The following SH3KBP1 variants were observed in gnomAD, a reference collection of about 807,000 sequenced individuals.
The protein encoded by SH3KBP1 is SH3 domain-containing kinase-binding protein 1.
A neutral mutation model predicts 50.1 loss-of-function variants in SH3KBP1; 8 were observed. The ratio of observed to expected loss-of-function variants is 0.16; its 90% CI spans 0.09 to 0.29. SH3KBP1 has a LOEUF of 0.29. Among genes scored for constraint, SH3KBP1 ranks in the 10% least tolerant of loss-of-function variants. The probability of loss-of-function intolerance (pLI) is 1.00; values close to 1 mark genes in which losing one functional copy is unlikely to be tolerated. For missense variants in SH3KBP1, 377 were observed against 535.2 expected, an observed-to-expected ratio of 0.70 and a Z score of 2.92; for synonymous variants, 227 against 218.6, an observed-to-expected ratio of 1.04 and a Z score of -0.34.
intron 6 of SH3KBP1, among the ~76,000 whole-genome samples, chrX:19,661,402 T>TA (rs988018144): frequency 9.0e-6 from 1 of 111,430 alleles, no homozygotes; most frequent in African/African-American, 3.3e-5. Context: ...GTGGAAAAGA[T>TA]ACAAAGTTAT....
At chrX:19,802,723 C>T (rs1477968724) in intron 2 of SH3KBP1, among the ~76,000 whole-genome samples, 13 of 111,498 alleles carry the variant, frequency 1.2e-4, no homozygotes, top group Non-Finnish European at 2.4e-4. Context: ...TCTTCTGCCC[C>T]AGGCTCTTAG....
intron 4 of SH3KBP1, among the ~76,000 whole-genome samples, chrX:19,695,944 C>A (rs1176665252): frequency 9.0e-6 from 1 of 111,429 alleles, no homozygotes; most frequent in East Asian, 2.8e-4. Context: ...TACCTGGGAT[C>A]CACAAATGCA....
chrX:19,778,821 T>C (rs1267154036), intron 2 of SH3KBP1, among the ~76,000 whole-genome samples: 5 of 110,178 alleles, frequency 4.5e-5, no homozygotes, highest in African/African-American at 1.7e-4. Context: ...GGTTGGAAAT[T>C]GAGTAAGGAT....
intron 3 of SH3KBP1, among the ~76,000 whole-genome samples, chrX:19,739,343 T>C (rs2064702165): frequency 8.9e-6 from 1 of 112,319 alleles, no homozygotes; most frequent in South Asian, 3.6e-4. Flanking sequence ...AAAAAGTTAG[T>C]TGGCTTTTTA....
intron 9 of SH3KBP1, among the ~76,000 whole-genome samples, chrX:19,603,763 C>T (rs1050017919): frequency 8.9e-6 from 1 of 112,096 alleles, no homozygotes; most frequent in African/African-American, 3.3e-5. Flanking sequence ...TCACAGCACA[C>T]TGCAGCCTCA....
intron 2 of SH3KBP1, among the ~76,000 whole-genome samples, chrX:19,789,358 G>A (rs1465593801): frequency 9.0e-6 from 1 of 110,932 alleles, no homozygotes; most frequent in African/African-American, 3.3e-5. Context: ...AAAATCAGGG[G>A]ACCTGACTTG....
intron 12 of SH3KBP1, among the ~76,000 whole-genome samples, chrX:19,580,773 C>A (rs1038390277): frequency 1.8e-5 from 2 of 110,776 alleles, no homozygotes; most frequent in Non-Finnish European, 3.8e-5. Flanking sequence ...CTCCTCCTAC[C>A]CTTTTGGATG....
At chrX:19,626,002 C>A (rs2068007005) in intron 8 of SH3KBP1, among the ~76,000 whole-genome samples, 1 of 111,456 alleles carries the variant, frequency 9.0e-6, no homozygotes, top group African/African-American at 3.3e-5. Context: ...CATGGTCCCA[C>A]CTAATTCCCG....
Position 19,833,236 on chromosome X carries a change from C to G in SH3KBP1, c.162+2889G>C, listed in dbSNP as rs1463351460. On this transcript the variant is annotated intron_variant, in intron 2 of 17. Transcript: ENST00000397821. ...TCCCTCTTTCCCACAGTCCTTCTTG[C>G]CTTCCCACATTCTTCCTTCCTTCCC... is the stretch of plus-strand genomic sequence containing the variant. Among the ~76,000 whole-genome samples, 3 of 105,929 alleles carry G rather than the reference C, an allele frequency of 2.8e-5. No homozygotes were observed. In the East Asian group the frequency reaches 9.2e-4, roughly 32 times the overall value. 92.0% of individuals were successfully genotyped at this position (105,929 alleles called of 115,157 possible). A position where few individuals can be genotyped will look rare whatever the true frequency, so the allele number is the denominator to read the frequency against.
At chrX:19,649,093 A>C (rs1356697277) in intron 6 of SH3KBP1, among the ~76,000 whole-genome samples, 5 of 111,496 alleles carry the variant, frequency 4.5e-5, no homozygotes, top group Non-Finnish European at 7.5e-5. Flanking sequence ...AGAAGGCAAC[A>C]AAGAGGGATG....
intron 6 of SH3KBP1, among the ~76,000 whole-genome samples, chrX:19,657,745 T>C (rs1017181644): frequency 9.2e-6 from 1 of 108,271 alleles, no homozygotes; most frequent in Non-Finnish European, 1.9e-5. Context: ...ATAATAATAA[T>C]AATAATAATA....
At chrX:19,637,816 C>T (rs1235441021) in intron 7 of SH3KBP1, among the ~76,000 whole-genome samples, 3 of 110,826 alleles carry the variant, frequency 2.7e-5, no homozygotes, top group South Asian at 3.8e-4. Context: ...CGGTGGCTCA[C>T]GTCTGTAATC....
intron 2 of SH3KBP1, among the ~76,000 whole-genome samples, chrX:19,814,594 C>T (rs897130246): frequency 1.8e-5 from 2 of 112,028 alleles, no homozygotes; most frequent in Admixed American, 9.4e-5. Context: ...TCCCACTGCC[C>T]GAAGGGCTCT....
chrX:19,727,835 C>T (rs777276757), intron 3 of SH3KBP1, among the ~76,000 whole-genome samples: 4 of 111,574 alleles, frequency 3.6e-5, no homozygotes, highest in Admixed American at 9.5e-5. Context: ...AATACAAAAA[C>T]GTGCTGGGCG....
intron 6 of SH3KBP1, among the ~76,000 whole-genome samples, chrX:19,675,762 C>T (rs1450863713): frequency 8.9e-6 from 1 of 112,067 alleles, no homozygotes; most frequent in Non-Finnish European, 1.9e-5. Context: ...CTGGCTGCAA[C>T]TAAATATTTC....
intron 7 of SH3KBP1, among the ~76,000 whole-genome samples, chrX:19,644,666 A>G (rs1408525098): frequency 8.9e-6 from 1 of 112,651 alleles, no homozygotes; most frequent in African/African-American, 3.2e-5. Flanking sequence ...ACATGAAGAG[A>G]GCAATGAAAG....
intron 2 of SH3KBP1, among the ~76,000 whole-genome samples, chrX:19,788,805 A>T (rs1365828742): frequency 8.9e-6 from 1 of 112,379 alleles, no homozygotes; most frequent in East Asian, 2.8e-4. Flanking sequence ...TTTGAAAAGG[A>T]CTTAAAAGGA....
In SH3KBP1 at chrX:19,887,346, G is replaced by T; in HGVS notation, c.-36C>A. ...CCGGGCCGGGCCGCCGAGGCAGCGT[G>T]AAAGTTGGCGGAGGCGGGCGTGGGG... On this transcript the variant is annotated 5_prime_UTR_variant, in exon 1 of 18. Coordinates refer to ENST00000397821, the MANE Select transcript of SH3KBP1 (RefSeq NM_031892.3). 1.0e-6 allele frequency: 1 copy of T among 969,289 alleles called. No individual in the cohort carries two copies. The highest frequency in any genetic ancestry group is 4.3e-5 in the East Asian group (1 of 23,082). 79.9% of individuals were successfully genotyped at this position (969,289 alleles called of 1,213,427 possible). A position where few individuals can be genotyped will look rare whatever the true frequency, so the allele number is the denominator to read the frequency against.
chrX:19,622,098 G>C (rs1200868621), intron 8 of SH3KBP1, among the ~76,000 whole-genome samples: 1 of 111,937 alleles, frequency 8.9e-6, no homozygotes, highest in Non-Finnish European at 1.9e-5. Flanking sequence ...AGCCTAAAAG[G>C]CACTTATTTT....
Sources: gnomAD v4.1 joint callset for allele counts (sites outside exome capture counted in the v4.1 genomes callset) on GRCh38, gnomAD v4.1.1 for gene constraint, MANE v1.5 for transcripts, NCBI Gene and HGNC (gene_info 2026-07-23, HGNC 2026-07-21) for gene names.